The following DMBT1 variants were observed in gnomAD, a reference collection of about 807,000 sequenced individuals.
DMBT1 encodes scavenger receptor cysteine-rich domain-containing protein DMBT1.
DMBT1 carries 198 observed loss-of-function variants against 252.9 expected under a neutral mutation model. The ratio of observed to expected loss-of-function variants is 0.78; its 90% CI spans 0.70 to 0.88. The LOEUF is 0.88. Ranked by LOEUF, DMBT1 falls within the 40% of genes least tolerant of loss-of-function variation. The probability of loss-of-function intolerance (pLI) is 0.00; values close to 1 mark genes in which losing one functional copy is unlikely to be tolerated. For missense variants in DMBT1, 2,432 were observed against 2,404.7 expected (o/e 1.01, Z -0.24); for synonymous variants, 990 against 942.7 (o/e 1.05, Z -0.92).
intron 50 of DMBT1, among the ~76,000 whole-genome samples, chr10:122,632,616 G>A (rs2098174671): frequency 6.6e-6 from 1 of 152,062 alleles, no homozygotes; most frequent in Non-Finnish European, 1.5e-5. Context: ...TCTGGGGCAG[G>A]GGCCAGACTT....
At position 122,601,012 on chromosome 10, in the gene DMBT1, C is replaced by T; in HGVS notation, c.3332C>T (p.Ala1111Val). ...ACAGACACTTGGCCAACCTCACATGCATCAACAGCAGGTAAATAATCCTCT... is the reference window on the plus strand; with the variant it reads ...ACAGACACTTGGCCAACCTCACATGTATCAACAGCAGGTAAATAATCCTCT... Reference protein sequence around the residue: ...PSPDTWPTSHASTAGSESSLA... With the variant: ...PSPDTWPTSHVSTAGSESSLA... Residue 1111 changes from alanine to valine, a missense_variant, in exon 28 of 56, where the codon GCA becomes GTA. By Grantham distance (64) the Ala-to-Val change is moderately conservative (BLOSUM62 0). Coordinates refer to ENST00000338354, the MANE Select transcript of DMBT1 (RefSeq NM_001377530.1). 1.0e-6 allele frequency: 1 copy of T among 970,862 alleles called. No individual in the cohort carries two copies. The highest frequency in any genetic ancestry group is 1.4e-5 in the South Asian group (1 of 73,346). 60.1% of individuals were successfully genotyped at this position (970,862 alleles called of 1,614,324 possible).
At position 122,637,180 on chromosome 10, in the gene DMBT1, C is replaced by T; in HGVS notation, c.6810C>T (p.Leu2270=). ...HMQASVSRSY[L]QSLGFSASDL... is the part of the protein sequence containing the mutation. ...AAGCCAGTGTGAGCAGGAGCTATCT[C>T]CAATCCTTGGGCTTTTCTGCCAGTG... The change falls in exon 54 of 56, where the codon CTC becomes CTT. Residue 2270 remains leucine, a synonymous_variant. Transcript: ENST00000338354. 2 of 1,614,048 alleles carry T rather than the reference C, an allele frequency of 1.2e-6. No homozygotes were observed. The highest frequency in any genetic ancestry group is 1.7e-6 in the Non-Finnish European group (2 of 1,179,904).
At chr10:122,632,329 C>T (rs563451549) in intron 50 of DMBT1, among the ~76,000 whole-genome samples, 56 of 152,066 alleles carry the variant, frequency 3.7e-4, no homozygotes, top group African/African-American at 1.3e-3. Flanking sequence ...AGGCCTGTGC[C>T]CTCCCATCCA....
At chr10:122,577,760 C>T in intron 7 of DMBT1, 51 bp from the exon 8 acceptor site, 1 of 1,609,660 alleles carries the variant, frequency 6.2e-7, no homozygotes. Flanking sequence ...CTTAACTCTA[C>T]TTGGAGTCAC....
chr10:122,630,777 G>A (rs536258948), intron 48 of DMBT1, among the ~76,000 whole-genome samples, 184 bp from the exon 49 acceptor site: 4 of 152,298 alleles, frequency 2.6e-5, no homozygotes, highest in South Asian at 2.1e-4. Context: ...TGAGCTTGGC[G>A]ATGTCTAGAG....
chr10:122,592,360 C>A lies in DMBT1; in HGVS notation c.2265C>A (p.Gly755=). The A allele has an allele frequency of 6.3e-7, 1 of 1,588,376 alleles. No individual in the cohort carries two copies. The highest frequency in any genetic ancestry group is 8.6e-7 in the Non-Finnish European group (1 of 1,165,810). Residue 755 remains glycine (G), a synonymous_variant, in exon 20 of 56, where the codon GGC becomes GGA. Coordinates refer to ENST00000338354, the MANE Select transcript of DMBT1 (RefSeq NM_001377530.1). ...AGGTCCTATACCGAGGCTCCTGGGG[C>A]ACCGTGTGTGATGACAGCTGGGATA... ...RVEVLYRGSW[G]TVCDDSWDTN...
rs1264456842 is a variant in DMBT1 at position 122,592,404 on chromosome 10, T to C, written c.2309T>C (p.Val770Ala). 4 of 1,588,468 alleles carry C rather than the reference T, an allele frequency of 2.5e-6. No individual in the cohort carries two copies. Among genetic ancestry groups the C allele is most frequent in the East Asian group, 2.3e-5 (1 of 42,670 alleles). The change falls in exon 20 of 56, where the codon GTC (valine) becomes GCC (alanine). Residue 770 changes from valine (V) to alanine (A), a missense_variant. By Grantham distance (64) the Val-to-Ala change is moderately conservative (BLOSUM62 0). Around this residue, in one of 3 missense-constraint regions of DMBT1, gnomAD observed 1,264 missense variants for 1,082.2 expected, o/e 1.17. Transcript: ENST00000338354. ...DSWDTNDANVVCRQLGCGWAT... is the reference protein window; with the variant it reads ...DSWDTNDANVACRQLGCGWAT... ...TGGGATACCAATGATGCCAATGTGG[T>C]CTGCAGGCAGCTGGGCTGTGGCTGG...
At chr10:122,600,002 G>T (rs368468854) in intron 26 of DMBT1, 62 bp from the exon 27 acceptor site, 2 of 1,591,638 alleles carry the variant, frequency 1.3e-6, no homozygotes, top group South Asian at 1.1e-5. Flanking sequence ...TTCCCTCCTC[G>T]TTCCACTTTG....
chr10:122,600,838 A>G (rs1263771000), intron 27 of DMBT1, among the ~76,000 whole-genome samples, 153 bp from the exon 28 acceptor site: 1 of 152,154 alleles, frequency 6.6e-6, no homozygotes, highest in Non-Finnish European at 1.5e-5. Context: ...ATGAGTTCAC[A>G]GCAGAGGAGA....
At chr10:122,576,820 C>T (rs896167623) in intron 7 of DMBT1, 98 bp downstream of exon 7, 45 of 1,453,226 alleles carry the variant, frequency 3.1e-5, no homozygotes, top group South Asian at 8.7e-5. Flanking sequence ...TGAGCTCAGG[C>T]GTTCAAGACC....
At chr10:122,642,073 C>T (rs1479433896) in intron 55 of DMBT1, among the ~76,000 whole-genome samples, 1 of 152,048 alleles carries the variant, frequency 6.6e-6, no homozygotes, top group Non-Finnish European at 1.5e-5. Context: ...AATGACTGCC[C>T]AGGGGCTTCT....
intron 55 of DMBT1, among the ~76,000 whole-genome samples, chr10:122,642,495 T>C (rs2133706380): frequency 6.6e-6 from 1 of 152,366 alleles, no homozygotes; most frequent in African/African-American, 2.4e-5. Flanking sequence ...ATTTTCCCTC[T>C]GACCCCTGCT....
intron 41 of DMBT1, among the ~76,000 whole-genome samples, chr10:122,618,986 T>A (rs2098032733): frequency 6.6e-6 from 1 of 152,196 alleles, no homozygotes; most frequent in African/African-American, 2.4e-5. Context: ...ACACAAGGCA[T>A]TTGGGCTGGA....
At chr10:122,593,101 A>C (rs762977564) in intron 20 of DMBT1, among the ~76,000 whole-genome samples, 1 of 148,754 alleles carries the variant, frequency 6.7e-6, no homozygotes, top group African/African-American at 2.4e-5. Context: ...GGGTTGTGTG[A>C]GGTTGGAGTC....
At chr10:122,587,310 G>A (rs2097798757) in intron 16 of DMBT1, among the ~76,000 whole-genome samples, 1 of 148,388 alleles carries the variant, frequency 6.7e-6, no homozygotes, top group South Asian at 2.3e-4. Flanking sequence ...TAATAAGGAG[G>A]CATCAGACCG....
rs1157161205 is a variant in DMBT1, at chr10:122,632,006, T to A, written c.6367+131T>A. 5 of 1,052,008 alleles carry A rather than the reference T, an allele frequency of 4.8e-6. No individual in the cohort carries two copies. In the African/African-American group the frequency reaches 7.8e-5, roughly 17 times the overall value. The allele number at this position is 1,052,008 out of a possible 1,614,324, so 65.2% of individuals were successfully genotyped here. ...GTGGTACCATCCTCTACAGCCCCTG[T>A]CCCCTCCCCTGCCGGCCACCAGGAT... On this transcript the variant is annotated intron_variant, in intron 50 of 55. Coordinates refer to ENST00000338354, the MANE Select transcript of DMBT1 (RefSeq NM_001377530.1).
chr10:122,641,496 A>C (rs891565215), intron 55 of DMBT1, among the ~76,000 whole-genome samples: 4 of 152,208 alleles, frequency 2.6e-5, no homozygotes, highest in Non-Finnish European at 5.9e-5. Context: ...CAGTGTGAAC[A>C]TATGTCAGTT....
At chr10:122,569,863 A>G (rs2097645088) in intron 2 of DMBT1, among the ~76,000 whole-genome samples, 2 of 152,144 alleles carry the variant, frequency 1.3e-5, no homozygotes, top group Admixed American at 6.5e-5. Flanking sequence ...GTTGTCATTG[A>G]CATTGGATCT....
intron 18 of DMBT1, 107 bp downstream of exon 18, chr10:122,590,801 C>A: frequency 7.3e-7 from 1 of 1,372,678 alleles, no homozygotes; most frequent in Non-Finnish European, 1.0e-6. Flanking sequence ...TACTGTGGGT[C>A]ATACTATTTT....
Sources: allele counts gnomAD v4.1 joint callset (sites outside exome capture counted in the v4.1 genomes callset), GRCh38; gene constraint gnomAD v4.1.1; regional missense constraint gnomAD v4.1.1; transcripts MANE v1.5; gene names NCBI Gene and HGNC (gene_info 2026-07-23, HGNC 2026-07-21).